SHISA9: variants seen among roughly 807,000 people sequenced by gnomAD.
SHISA9 encodes shisa family member 9.
A neutral mutation model predicts 38.0 loss-of-function variants in SHISA9; 13 were observed. The ratio of observed to expected loss-of-function variants is 0.34; its 90% CI spans 0.22 to 0.54. The LOEUF is 0.54. SHISA9 is among the 20% of genes least tolerant of loss of function. The pLI is 0.91. For missense variants in SHISA9, 538 were observed against 575.8 expected (o/e 0.93, Z 0.67); for synonymous variants, 275 against 242.0 (o/e 1.14, Z -1.27).
At chr16:13,114,976 A>G (rs1192493331) in intron 2 of SHISA9, among the ~76,000 whole-genome samples, 1 of 149,628 alleles carries the variant, frequency 6.7e-6, no homozygotes, top group African/African-American at 2.5e-5. Context: ...CTATATATGT[A>G]TCTATCTATC....
chr16:13,122,001 C>G (rs539338433), intron 2 of SHISA9, among the ~76,000 whole-genome samples: 70 of 152,222 alleles, frequency 4.6e-4, no homozygotes, highest in African/African-American at 1.6e-3. Flanking sequence ...TTCACATAAA[C>G]TACTTACCAC....
chr16:13,504,236 T>C, the SHISA9 span, among the ~76,000 whole-genome samples: 2 of 152,094 alleles, frequency 1.3e-5, no homozygotes, highest in African/African-American at 2.4e-5. Flanking sequence ...AATACCCAAA[T>C]TGCAGTAAGA....
At chr16:12,947,670 A>G (rs62029753) in intron 2 of SHISA9, among the ~76,000 whole-genome samples, 6,029 of 152,204 alleles carry the variant, frequency 0.04, 164 homozygotes, top group Middle Eastern at 0.065. Flanking sequence ...TTCAGTTTTA[A>G]ATATTCGATG....
chr16:13,293,842 A>G, the SHISA9 span, among the ~76,000 whole-genome samples: 65 of 152,362 alleles, frequency 4.3e-4, 1 homozygote, highest in Non-Finnish European at 2.9e-5. Context: ...ATGTGTGTCT[A>G]AGGATGTAGA....
chr16:12,939,289 G>T (rs764844960), intron 2 of SHISA9, among the ~76,000 whole-genome samples: 2 of 152,080 alleles, frequency 1.3e-5, no homozygotes, highest in Non-Finnish European at 2.9e-5. Context: ...TCACCATGTT[G>T]GCCAAGCTGG....
At chr16:13,373,726 A>T in the SHISA9 span, among the ~76,000 whole-genome samples, 17 of 146,982 alleles carry the variant, frequency 1.2e-4, 1 homozygote, top group Admixed American at 5.0e-4. Flanking sequence ...GCACCACTGC[A>T]CTCCAGCCTG....
rs139963339 is a variant in SHISA9, at chr16:13,112,947, C to T, written c.692-90447C>T. ...ATTTGAGGCCAGGCGCAGTGACTCA[C>T]GCCTGTAATCCCAGCACTTTGGGAG... On this transcript the variant is annotated intron_variant, in intron 2 of 4. Coordinates refer to ENST00000558583, the MANE Select transcript of SHISA9 (RefSeq NM_001145204.3). Among the ~76,000 whole-genome samples, 309 of 152,138 alleles carry T rather than the reference C, an allele frequency of 2.0e-3. 3 individuals are homozygous for T. Among genetic ancestry groups the T allele is most frequent in the African/African-American group, 6.9e-3 (286 of 41,508 alleles).
intron 2 of SHISA9, among the ~76,000 whole-genome samples, chr16:12,924,055 G>A (rs1254522626): frequency 1.3e-5 from 2 of 152,148 alleles, no homozygotes; most frequent in African/African-American, 2.4e-5. Flanking sequence ...ATTATCCAGA[G>A]AGAGAGAGAA....
chr16:13,367,706 GCGCGCGCA>G, the SHISA9 span, among the ~76,000 whole-genome samples: 18 of 115,644 alleles, frequency 1.6e-4, no homozygotes, highest in Admixed American at 5.8e-4. Context: ...GTGCGCGCGC[GCGCGCGCA>G]CACACACACA....
chr16:13,433,851 G>T, the SHISA9 span, among the ~76,000 whole-genome samples: 3 of 152,184 alleles, frequency 2.0e-5, no homozygotes, highest in East Asian at 5.8e-4. Context: ...TCTATTGTCT[G>T]ATTTTTGTCA....
the SHISA9 span, among the ~76,000 whole-genome samples, chr16:13,347,857 C>T: frequency 1.3e-5 from 2 of 151,306 alleles, no homozygotes; most frequent in Admixed American, 6.6e-5. Flanking sequence ...ACAAAGATGT[C>T]CACATCTTAA....
the SHISA9 span, among the ~76,000 whole-genome samples, chr16:13,373,099 C>T: frequency 6.6e-6 from 1 of 152,016 alleles, no homozygotes; most frequent in African/African-American, 2.4e-5. Flanking sequence ...GTTAACCCAC[C>T]TTTCTACACT....
At chr16:12,939,047 TTC>T (rs2071573500) in intron 2 of SHISA9, among the ~76,000 whole-genome samples, 1 of 147,330 alleles carries the variant, frequency 6.8e-6, no homozygotes, top group South Asian at 2.1e-4. Flanking sequence ...GTTTCATCTC[TTC>T]TCTCCTCTCC....
At chr16:13,498,692 G>T in the SHISA9 span, among the ~76,000 whole-genome samples, 1 of 152,162 alleles carries the variant, frequency 6.6e-6, no homozygotes, top group Admixed American at 6.5e-5. Context: ...GGGAGGTGGA[G>T]GTTGCAGTGA....
At chr16:12,928,232 T>C (rs775440637) in intron 2 of SHISA9, among the ~76,000 whole-genome samples, 3 of 152,122 alleles carry the variant, frequency 2.0e-5, no homozygotes, top group Non-Finnish European at 4.4e-5. Context: ...CATTTTTGGT[T>C]CTTTTCTTAA....
intron 2 of SHISA9, among the ~76,000 whole-genome samples, chr16:13,144,678 T>C (rs2050431707): frequency 1.3e-5 from 2 of 152,172 alleles, no homozygotes; most frequent in South Asian, 4.1e-4. Flanking sequence ...ACAATAGAAA[T>C]AGATTTAATG....
the SHISA9 span, among the ~76,000 whole-genome samples, chr16:13,274,771 A>G: frequency 6.6e-6 from 1 of 152,190 alleles, no homozygotes; most frequent in Non-Finnish European, 1.5e-5. Flanking sequence ...GCCACTTAGC[A>G]ATGATAGCCA....
the SHISA9 span, among the ~76,000 whole-genome samples, chr16:13,398,791 T>A: frequency 6.6e-6 from 1 of 152,018 alleles, no homozygotes; most frequent in South Asian, 2.1e-4. Flanking sequence ...GGATTACAGG[T>A]GTAAGCCACC....
chr16:13,536,897 C>T, the SHISA9 span, among the ~76,000 whole-genome samples: 26 of 152,278 alleles, frequency 1.7e-4, 1 homozygote, highest in East Asian at 5.0e-3. Context: ...GCTGGGATCC[C>T]ACACTAATGT....
Sources: gnomAD v4.1 joint callset for allele counts (sites outside exome capture counted in the v4.1 genomes callset) on GRCh38, gnomAD v4.1.1 for gene constraint, MANE v1.5 for transcripts, NCBI Gene and HGNC (gene_info 2026-07-23, HGNC 2026-07-21) for gene names.